GARRE1: variants seen among roughly 807,000 people sequenced by gnomAD.
The protein encoded by GARRE1 is granule associated Rac and RHOG effector 1.
In GARRE1, 49 loss-of-function variants were observed where a neutral mutation model predicts 103.2. The ratio of observed to expected loss-of-function variants is 0.47; its 90% confidence interval spans 0.38 to 0.60. The LOEUF (loss-of-function observed/expected upper bound fraction) is 0.60, where lower values mean the gene tolerates loss of function less well. Ranked by LOEUF, GARRE1 falls within the 20% of genes least tolerant of loss-of-function variation. The probability of loss-of-function intolerance (pLI) is 0.00; values close to 1 mark genes in which losing one functional copy is unlikely to be tolerated. For synonymous variants in GARRE1, 505 were observed against 532.8 expected, an observed-to-expected ratio of 0.95 and a Z score of 0.72; for missense variants, 1,199 against 1,370.5, an observed-to-expected ratio of 0.87 and a Z score of 1.98.
chr19:34,327,345 T>C, intron 3 of GARRE1, 76 bp from the exon 4 acceptor site: 1 of 1,339,356 alleles, frequency 7.5e-7, no homozygotes, highest in Admixed American at 1.9e-5. Context: ...GTTTTTCTTG[T>C]TGTTGTTATT....
chr19:34,299,467 T>C (rs2073965295), intron 1 of GARRE1, among the ~76,000 whole-genome samples: 1 of 152,192 alleles, frequency 6.6e-6, no homozygotes, highest in African/African-American at 2.4e-5. Context: ...ATCATACTTT[T>C]TTGGTTGCAT....
intron 7 of GARRE1, among the ~76,000 whole-genome samples, chr19:34,333,205 C>G (rs2074145322): frequency 6.6e-6 from 1 of 152,118 alleles, no homozygotes; most frequent in East Asian, 1.9e-4. Flanking sequence ...CCACACCCAG[C>G]TACTTTTTGT....
chr19:34,327,632 T>C, intron 4 of GARRE1, 71 bp downstream of exon 4: 1 of 1,556,022 alleles, frequency 6.4e-7, no homozygotes. Flanking sequence ...AGTTGTGATG[T>C]TGAATCAATT....
intron 1 of GARRE1, among the ~76,000 whole-genome samples, chr19:34,292,403 T>A (rs2073923095): frequency 6.6e-6 from 1 of 152,222 alleles, no homozygotes. Context: ...CGTTACTACT[T>A]TTGACTATTA....
At chr19:34,309,563 C>T (rs1160308741) in intron 2 of GARRE1, among the ~76,000 whole-genome samples, 1 of 152,132 alleles carries the variant, frequency 6.6e-6, no homozygotes, top group East Asian at 1.9e-4. Context: ...AGGTCTCAAA[C>T]TCCTGGGCTC....
chr19:34,266,934 A>G (rs1041051499), intron 1 of GARRE1, among the ~76,000 whole-genome samples: 2 of 151,932 alleles, frequency 1.3e-5, no homozygotes, highest in African/African-American at 4.8e-5. Context: ...TAGGTTCCAT[A>G]GTGCAAAGTT....
At chr19:34,338,949 G>A (rs1057314391) in intron 8 of GARRE1, among the ~76,000 whole-genome samples, 4 of 152,176 alleles carry the variant, frequency 2.6e-5, no homozygotes, top group African/African-American at 7.2e-5. Context: ...AGACCCAGGA[G>A]TGGTGGTTTC....
At chr19:34,323,037 T>G (rs2074096696) in intron 3 of GARRE1, among the ~76,000 whole-genome samples, 1 of 131,736 alleles carries the variant, frequency 7.6e-6, no homozygotes, top group Non-Finnish European at 1.6e-5. Context: ...TTTTTTTTTT[T>G]TTTTTTTTTT....
At chr19:34,351,022 A>T (rs895624753) in intron 12 of GARRE1, among the ~76,000 whole-genome samples, 37 of 147,600 alleles carry the variant, frequency 2.5e-4, no homozygotes, top group Non-Finnish European at 4.8e-4. Context: ...AACATGGTGA[A>T]ACCCCATCTC....
chr19:34,341,422 G>A lies in GARRE1; in HGVS notation c.1488G>A (p.Arg496=), dbSNP rs1339990833. 1.3e-6 allele frequency: 2 copies of A among 1,598,900 alleles called. No homozygotes were observed. The highest frequency in any genetic ancestry group is 2.2e-5 in the East Asian group (1 of 44,754). Residue 496 remains arginine (R), a splice_region_variant and synonymous_variant, in exon 10 of 14, where the codon AGG becomes AGA. Coordinates refer to ENST00000299505, the MANE Select transcript of GARRE1 (RefSeq NM_014686.5). ...VLDLNRWRAG[R]EQALPCIQIQ... Reference sequence around the variant, plus strand: ...TTTAAACAAATTTCTGTTTAAATAGGGAGCAAGCTTTACCCTGCATACAGA... The same window carrying A: ...TTTAAACAAATTTCTGTTTAAATAGAGAGCAAGCTTTACCCTGCATACAGA...
At chr19:34,266,345 C>T (rs987003572) in intron 1 of GARRE1, among the ~76,000 whole-genome samples, 1 of 152,162 alleles carries the variant, frequency 6.6e-6, no homozygotes, top group African/African-American at 2.4e-5. Context: ...AATGAGCTTC[C>T]TGGCTGTGAC....
chr19:34,340,064 G>A, intron 9 of GARRE1, 72 bp downstream of exon 9: 1 of 1,503,914 alleles, frequency 6.6e-7, no homozygotes. Flanking sequence ...ATGTGTGCTT[G>A]TGTCATTGAT....
chr19:34,282,901 T>C (rs950765828), intron 1 of GARRE1, among the ~76,000 whole-genome samples: 1 of 152,236 alleles, frequency 6.6e-6, no homozygotes, highest in Non-Finnish European at 1.5e-5. Flanking sequence ...GTCTGTCTTG[T>C]AATATAGTTT....
Position 34,327,530 on chromosome 19 carries a change from A to G in GARRE1, c.815A>G (p.Glu272Gly), listed in dbSNP as rs2074117372. 1 of 1,614,110 alleles carries G rather than the reference A, an allele frequency of 6.2e-7. No homozygotes were observed. The highest frequency in any genetic ancestry group is 2.2e-5 in the East Asian group (1 of 44,872). The change falls in exon 4 of 14, where the codon GAA (glutamate) becomes GGA (glycine). Residue 272 changes from glutamate to glycine, a missense_variant. Coordinates refer to ENST00000299505, the MANE Select transcript of GARRE1 (RefSeq NM_014686.5). The part of the protein sequence containing the change: ...SAAIPEHQLK[E>G]LNIKIDSALQ... Reference sequence around the variant, plus strand: ...GCAATTCCTGAGCACCAGCTAAAAGAACTGAACATAAAAATCGACAGTGCT... The same window carrying G: ...GCAATTCCTGAGCACCAGCTAAAAGGACTGAACATAAAAATCGACAGTGCT...
chr19:34,318,712 G>T (rs1224334123), intron 2 of GARRE1, among the ~76,000 whole-genome samples: 1 of 152,202 alleles, frequency 6.6e-6, no homozygotes, highest in Non-Finnish European at 1.5e-5. Context: ...TTGTGGTCAA[G>T]TTGCTTTGTA....
intron 1 of GARRE1, among the ~76,000 whole-genome samples, chr19:34,289,530 T>TC (rs1409925963): frequency 6.6e-6 from 1 of 151,696 alleles, no homozygotes; most frequent in Non-Finnish European, 1.5e-5. Flanking sequence ...ATCGAGACCA[T>TC]CTGGCCAACA....
chr19:34,343,936 T>C (rs2074198634), intron 10 of GARRE1, among the ~76,000 whole-genome samples: 1 of 152,182 alleles, frequency 6.6e-6, no homozygotes, highest in African/African-American at 2.4e-5. Context: ...ACAAAAATCA[T>C]TTCAGTTAAT....
intron 2 of GARRE1, among the ~76,000 whole-genome samples, chr19:34,302,225 C>G (rs1295303181): frequency 6.7e-6 from 1 of 148,846 alleles, no homozygotes; most frequent in East Asian, 2.0e-4. Flanking sequence ...CTCGCAACTT[C>G]AGGTGATCCG....
At chr19:34,326,673 A>G (rs1599774346) in intron 3 of GARRE1, among the ~76,000 whole-genome samples, 2 of 151,100 alleles carry the variant, frequency 1.3e-5, no homozygotes, top group African/African-American at 2.4e-5. Flanking sequence ...AGGAATGCCA[A>G]CCATGTATGT....
Sources: gnomAD v4.1 joint callset for allele counts (sites outside exome capture counted in the v4.1 genomes callset) on GRCh38, gnomAD v4.1.1 for gene constraint, MANE v1.5 for transcripts, NCBI Gene and HGNC (gene_info 2026-07-23, HGNC 2026-07-21) for gene names.